COL4A4: variants seen among roughly 807,000 people sequenced by gnomAD.
COL4A4 encodes collagen type IV alpha 4 chain.
Under a neutral mutation model 192.9 loss-of-function variants are expected in COL4A4, and 105 were observed. The ratio of observed to expected loss-of-function variants is 0.54; its 90% confidence interval spans 0.46 to 0.64. The LOEUF (loss-of-function observed/expected upper bound fraction) is 0.64. Among genes scored for constraint, COL4A4 ranks in the 30% least tolerant of loss-of-function variants. COL4A4 has a pLI of 0.00. For synonymous variants in COL4A4, 762 were observed against 769.9 expected (o/e 0.99, Z 0.17); for missense variants, 1,967 against 2,169.3 (o/e 0.91, Z 1.85).
At chr2:226,972,929 CAAA>C in the COL4A4 span, among the ~76,000 whole-genome samples, 18 of 127,006 alleles carry the variant, frequency 1.4e-4, no homozygotes, top group Admixed American at 1.6e-4. Flanking sequence ...AAGCCTGTAG[CAAA>C]AAAAAAAAAA....
intron 10 of COL4A4, 141 bp downstream of exon 10, chr2:227,109,083 T>C (rs1213786833): frequency 3.2e-6 from 3 of 931,320 alleles, no homozygotes; most frequent in Non-Finnish European, 5.4e-6. Flanking sequence ...GTCCCACTGA[T>C]AATGGTGGGT....
At chr2:226,993,047 T>A in the COL4A4 span, among the ~76,000 whole-genome samples, 1 of 151,980 alleles carries the variant, frequency 6.6e-6, no homozygotes, top group Non-Finnish European at 1.5e-5. Flanking sequence ...TTTGGTTGGC[T>A]CAGCCCTGGT....
chr2:227,007,092 G>A lies in COL4A4; in HGVS notation c.*233C>T, dbSNP rs1325604423. 6 of 629,740 alleles carry A rather than the reference G, an allele frequency of 9.5e-6. No individual in the cohort carries two copies. The highest frequency in any genetic ancestry group is 5.4e-5 in the African/African-American group (3 of 55,320). The allele number at this position is 629,740 out of a possible 1,614,324, so 39.0% of individuals were successfully genotyped here. On this transcript the variant is annotated 3_prime_UTR_variant, in exon 48 of 48. Transcript: ENST00000396625. ...AAAGCCAGTTCTTCGATCATCCTCA[G>A]TAAAATAAGAGTATCTAGGCTCCCT...
the COL4A4 span, among the ~76,000 whole-genome samples, chr2:226,969,726 T>C: frequency 6.6e-6 from 1 of 152,234 alleles, no homozygotes; most frequent in East Asian, 1.9e-4. Flanking sequence ...TGTTCCTGAG[T>C]CACTTATGCC....
At chr2:227,129,911 T>A (rs1287565579) in intron 4 of COL4A4, among the ~76,000 whole-genome samples, 1 of 152,194 alleles carries the variant, frequency 6.6e-6, no homozygotes, top group African/African-American at 2.4e-5. Context: ...TCTTAATCCA[T>A]TATTATTATC....
chr2:227,017,465 T>C (rs2149809408), intron 44 of COL4A4, among the ~76,000 whole-genome samples: 1 of 152,294 alleles, frequency 6.6e-6, no homozygotes, highest in South Asian at 2.1e-4. Flanking sequence ...AGAGGGCAAG[T>C]GTTGCCTTGA....
chr2:227,055,909 A>G (rs769860001), intron 30 of COL4A4, 36 bp downstream of exon 30: 1 of 1,586,980 alleles, frequency 6.3e-7, no homozygotes, highest in South Asian at 1.1e-5. Flanking sequence ...TCATGTTTCT[A>G]AGATGGGAGG....
At chr2:227,071,802 G>A (rs926358352) in intron 25 of COL4A4, among the ~76,000 whole-genome samples, 9 of 152,042 alleles carry the variant, frequency 5.9e-5, no homozygotes, top group South Asian at 2.1e-4. Context: ...AATGATATCT[G>A]GGTTAACAAT....
At chr2:227,089,011 T>C (rs867636497) in intron 21 of COL4A4, among the ~76,000 whole-genome samples, 195 bp from the exon 22 acceptor site, 5 of 152,330 alleles carry the variant, frequency 3.3e-5, no homozygotes, top group Middle Eastern at 6.8e-3. Context: ...GCATGGGATG[T>C]AGGGTGGGCA....
rs545346804 is a variant in COL4A4, at chr2:227,097,488, T to C, written c.1204+1206A>G. Reference sequence around the variant, plus strand: ...TAGTCAAGATTTGAAAGCTATTGGGTTAATTTATTTTTTAAAACCTTGTGA... The same window carrying C: ...TAGTCAAGATTTGAAAGCTATTGGGCTAATTTATTTTTTAAAACCTTGTGA... On this transcript the variant is annotated intron_variant, in intron 19 of 47. Transcript: ENST00000396625. Among the ~76,000 whole-genome samples, 4 of 152,264 alleles carry C rather than the reference T, an allele frequency of 2.6e-5. No individual in the cohort carries two copies. The South Asian group carries it at 8.3e-4, about 32-fold the overall frequency.
At chr2:227,045,033 TAGG>T (rs1245872272) in intron 35 of COL4A4, among the ~76,000 whole-genome samples, 1 of 152,092 alleles carries the variant, frequency 6.6e-6, no homozygotes, top group African/African-American at 2.4e-5. Flanking sequence ...GTTAAAATAC[TAGG>T]TAACATCACA....
At chr2:227,090,675 C>A (rs2059868631) in intron 20 of COL4A4, among the ~76,000 whole-genome samples, 1 of 151,990 alleles carries the variant, frequency 6.6e-6, no homozygotes, top group Non-Finnish European at 1.5e-5. Flanking sequence ...TCGCTTGAAC[C>A]TGGGAGGCAG....
At chr2:227,047,076 A>G (rs758328184) in intron 35 of COL4A4, among the ~76,000 whole-genome samples, 1 of 152,074 alleles carries the variant, frequency 6.6e-6, no homozygotes, top group Non-Finnish European at 1.5e-5. Flanking sequence ...AGCTGGAATG[A>G]CAACCTGCAG....
chr2:227,064,751 A>G (rs1238892212), intron 25 of COL4A4, among the ~76,000 whole-genome samples: 4 of 152,238 alleles, frequency 2.6e-5, no homozygotes, highest in Non-Finnish European at 2.9e-5. Context: ...TAAACAGAAC[A>G]ACTGTCGGCC....
chr2:227,054,614 C>T lies in COL4A4; in HGVS notation c.2840G>A (p.Arg947Gln), dbSNP rs373540400. ...EKGMSGLPGD[R>Q]GLRGAKGAIG... ...TTTACCTTTGGCCCCTCTCAGTCCC[C>T]GGTCTCCAGGAAGGCCAGACATGCC... Residue 947 changes from arginine to glutamine, a missense_variant, in exon 31 of 48, where the codon CGG becomes CAG. Coordinates refer to ENST00000396625, the MANE Select transcript of COL4A4 (RefSeq NM_000092.5). 63 of 1,614,100 alleles carry T rather than the reference C, an allele frequency of 3.9e-5. No individual in the cohort carries two copies. The African/African-American group carries it at 4.8e-4, about 12-fold the overall frequency.
At chr2:226,990,487 A>G in the COL4A4 span, among the ~76,000 whole-genome samples, 1 of 152,200 alleles carries the variant, frequency 6.6e-6, no homozygotes, top group Non-Finnish European at 1.5e-5. Flanking sequence ...ACTGCATGGC[A>G]TAGTGCGTTC....
chr2:227,025,230 C>T (rs1966771645), intron 43 of COL4A4, among the ~76,000 whole-genome samples: 1 of 152,146 alleles, frequency 6.6e-6, no homozygotes, highest in Non-Finnish European at 1.5e-5. Context: ...TTCTTTTTCT[C>T]TTCTGAGAAA....
rs369522855 is a variant in COL4A4 at position 227,062,559 on chromosome 2, T to G, written c.2027A>C (p.His676Pro). The G allele has an allele frequency of 6.2e-7, 1 of 1,612,240 alleles. No homozygotes were observed. The highest frequency in any genetic ancestry group is 8.5e-7 in the Non-Finnish European group (1 of 1,178,536). ...AGGTCCATCAAAACCTGGAGGGCCA[T>G]GCCTCCCAGGGTAGGTTACGTTGCA... is the stretch of plus-strand genomic sequence containing the variant. ...ISCNVTYPGRHGPPGFDGPPG... is the reference protein window; with the variant it reads ...ISCNVTYPGRPGPPGFDGPPG... The change falls in exon 26 of 48, where the codon CAT becomes CCT. Residue 676 changes from histidine to proline, a missense_variant. By Grantham distance (77) the His-to-Pro change is moderately conservative. Coordinates refer to ENST00000396625, the MANE Select transcript of COL4A4 (RefSeq NM_000092.5).
chr2:227,138,158 C>A (rs929585574), intron 4 of COL4A4, among the ~76,000 whole-genome samples: 12 of 89,526 alleles, frequency 1.3e-4, no homozygotes, highest in Admixed American at 4.9e-4. Context: ...TAATAATAAT[C>A]AAAAAAATAA....
Sources: allele counts gnomAD v4.1 joint callset (sites outside exome capture counted in the v4.1 genomes callset), GRCh38; gene constraint gnomAD v4.1.1; transcripts MANE v1.5; gene names NCBI Gene and HGNC (gene_info 2026-07-23, HGNC 2026-07-21).